The following PLCXD3 variants were observed in gnomAD, a reference collection of about 807,000 sequenced individuals.
PLCXD3 encodes the protein PI-PLC X domain-containing protein 3.
A neutral mutation model predicts 25.5 loss-of-function variants in PLCXD3; 19 were observed. The ratio of observed to expected loss-of-function variants is 0.75; its 90% confidence interval spans 0.52 to 1.09. The LOEUF (loss-of-function observed/expected upper bound fraction) is 1.09, where lower values mean the gene tolerates loss of function less well. PLCXD3 is among the 50% of genes least tolerant of loss of function. PLCXD3 has a pLI of 0.00. For synonymous variants in PLCXD3, 174 were observed against 137.6 expected, an observed-to-expected ratio of 1.26 and a Z score of -1.85; for missense variants, 411 against 388.1, an observed-to-expected ratio of 1.06 and a Z score of -0.50.
intron 1 of PLCXD3, among the ~76,000 whole-genome samples, chr5:41,393,601 C>T (rs923848760): frequency 6.6e-6 from 1 of 151,970 alleles, no homozygotes; most frequent in African/African-American, 2.4e-5. Flanking sequence ...CATTAATGAG[C>T]AATAAATCAT....
chr5:41,381,582 C>A (rs1370201965), intron 2 of PLCXD3, among the ~76,000 whole-genome samples: 1 of 152,046 alleles, frequency 6.6e-6, no homozygotes, highest in East Asian at 1.9e-4. Context: ...AGGCATGAAA[C>A]AGATTCTTTT....
intron 2 of PLCXD3, among the ~76,000 whole-genome samples, chr5:41,349,956 A>C (rs554655186): frequency 6.6e-6 from 1 of 151,166 alleles, no homozygotes. Context: ...GCTTTGCAAC[A>C]TTTTGTTGCA....
chr5:41,396,648 A>C (rs1020205203), intron 1 of PLCXD3, among the ~76,000 whole-genome samples: 2 of 152,216 alleles, frequency 1.3e-5, no homozygotes, highest in Admixed American at 6.5e-5. Flanking sequence ...AGAAGACAGG[A>C]AAATGAGAGA....
rs2150510782 is a variant in PLCXD3, at chr5:41,438,226, A to G, written c.104-55692T>C. The stretch of plus-strand genomic sequence containing the variant: ...TTAAATTGCTCACTTTTAAGTGAAA[A>G]AGTATTGTGCTTCTTATTTTAGCAC... On this transcript the variant is annotated intron_variant, in intron 1 of 2. Coordinates refer to ENST00000377801, the MANE Select transcript of PLCXD3 (RefSeq NM_001005473.3). 1.3e-5 allele frequency among the ~76,000 whole-genome samples: 2 copies of G among 152,320 alleles called. 1 individual carries two copies. The highest frequency in any genetic ancestry group is 4.1e-4 in the South Asian group (2 of 4,824).
chr5:41,505,048 A>G (rs116590280), intron 1 of PLCXD3, among the ~76,000 whole-genome samples: 2,484 of 152,212 alleles, frequency 0.016, 65 homozygotes, highest in African/African-American at 0.057. Flanking sequence ...AACAGTTTTC[A>G]TCTTCTTTAT....
chr5:41,492,941 T>G lies in PLCXD3; in HGVS notation c.103+17483A>C, dbSNP rs575491192. 2.0e-5 allele frequency among the ~76,000 whole-genome samples: 3 copies of G among 152,386 alleles called. No individual in the cohort carries two copies. In the East Asian group the frequency reaches 5.8e-4, roughly 29 times the overall value. On this transcript the variant is annotated intron_variant, in intron 1 of 2. Coordinates refer to ENST00000377801, the MANE Select transcript of PLCXD3 (RefSeq NM_001005473.3). ...TTCTTCTCTCAACTCGTCAAAGTCA[T>G]TCTCCCTCCAGCTTTGTTCCATTGC... is the stretch of plus-strand genomic sequence containing the variant.
rs372082393 is a variant in PLCXD3 at position 41,483,481 on chromosome 5, T to C, written c.103+26943A>G. Among the ~76,000 whole-genome samples, 106 of 152,292 alleles carry C rather than the reference T, an allele frequency of 7.0e-4. No homozygotes were observed. The South Asian group carries it at 0.013, about 18-fold the overall frequency. On this transcript the variant is annotated intron_variant, in intron 1 of 2. Coordinates refer to ENST00000377801, the MANE Select transcript of PLCXD3 (RefSeq NM_001005473.3). The stretch of plus-strand genomic sequence containing the variant: ...AAAGGTTGTCGCTGTAAAAATAAGA[T>C]AAAATATATGCTATATCTTCGTAAT...
intron 1 of PLCXD3, among the ~76,000 whole-genome samples, chr5:41,410,267 G>T (rs1260328092): frequency 6.6e-6 from 1 of 151,662 alleles, no homozygotes; most frequent in Non-Finnish European, 1.5e-5. Context: ...AGCCTCCTGA[G>T]TAGCTGGGAC....
intron 2 of PLCXD3, among the ~76,000 whole-genome samples, chr5:41,357,183 C>T (rs957288535): frequency 1.3e-5 from 2 of 152,204 alleles, no homozygotes; most frequent in African/African-American, 2.4e-5. Flanking sequence ...GCCTTGTCAA[C>T]AGTAACCAGC....
At chr5:41,485,580 C>T (rs975626407) in intron 1 of PLCXD3, among the ~76,000 whole-genome samples, 1 of 150,484 alleles carries the variant, frequency 6.6e-6, no homozygotes, top group African/African-American at 2.5e-5. Context: ...TCAGTCCCAG[C>T]CCCCTCTCTA....
chr5:41,395,660 A>G (rs750172117), intron 1 of PLCXD3, among the ~76,000 whole-genome samples: 17 of 152,134 alleles, frequency 1.1e-4, no homozygotes, highest in Non-Finnish European at 1.8e-4. Context: ...AAGGCTCATT[A>G]GCAGCTACTA....
At position 41,307,502 on chromosome 5, in the gene PLCXD3, T is replaced by G. The variant is rs963484199; in HGVS notation, c.*6115A>C. On this transcript the variant is annotated 3_prime_UTR_variant, in exon 3 of 3. Coordinates refer to ENST00000377801, the MANE Select transcript of PLCXD3 (RefSeq NM_001005473.3). ...TTTTAGGGCTTCTTGGGTTTTCAAT[T>G]CCAAAAAAAAATAGTACTGGTCGTT... is the stretch of plus-strand genomic sequence containing the variant. 6.6e-6 allele frequency: 1 copy of G among 151,906 alleles called. No homozygotes were observed. The highest frequency in any genetic ancestry group is 1.5e-5 in the Non-Finnish European group (1 of 67,936). The allele number at this position is 151,906 out of a possible 1,614,324, so 9.4% of individuals were successfully genotyped here.
At chr5:41,488,928 G>T (rs1748583971) in intron 1 of PLCXD3, among the ~76,000 whole-genome samples, 1 of 151,780 alleles carries the variant, frequency 6.6e-6, no homozygotes, top group Admixed American at 6.6e-5. Context: ...AAGCTCTTTA[G>T]TTGAATTAGA....
chr5:41,428,390 T>TTG (rs1561270599), intron 1 of PLCXD3, among the ~76,000 whole-genome samples: 1 of 145,502 alleles, frequency 6.9e-6, no homozygotes, highest in African/African-American at 2.6e-5. Context: ...TTGTTTTTGT[T>TTG]TTTGTTTTTT....
At chr5:41,457,584 C>T (rs543983998) in intron 1 of PLCXD3, among the ~76,000 whole-genome samples, 1 of 151,906 alleles carries the variant, frequency 6.6e-6, no homozygotes, top group Non-Finnish European at 1.5e-5. Context: ...ACTGGGAGGA[C>T]ATCTGTACTT....
At chr5:41,371,761 C>A (rs1201154423) in intron 2 of PLCXD3, among the ~76,000 whole-genome samples, 1 of 152,156 alleles carries the variant, frequency 6.6e-6, no homozygotes, top group Non-Finnish European at 1.5e-5. Flanking sequence ...TCTCTTGGAG[C>A]TTTTCAGCTG....
intron 2 of PLCXD3, among the ~76,000 whole-genome samples, chr5:41,333,823 G>C (rs1743903258): frequency 6.6e-6 from 1 of 151,982 alleles, no homozygotes; most frequent in Non-Finnish European, 1.5e-5. Flanking sequence ...AACTATTTAG[G>C]TGTAAAACAG....
intron 2 of PLCXD3, among the ~76,000 whole-genome samples, chr5:41,325,768 G>T (rs1465082783): frequency 6.6e-6 from 1 of 152,144 alleles, no homozygotes; most frequent in Non-Finnish European, 1.5e-5. Context: ...GTCTTAGTCT[G>T]TTTGGGGCTG....
intron 1 of PLCXD3, among the ~76,000 whole-genome samples, chr5:41,441,505 C>A (rs940362004): frequency 2.6e-5 from 4 of 152,202 alleles, no homozygotes; most frequent in Admixed American, 2.6e-4. Flanking sequence ...GAAAGCTTCT[C>A]TAAACAGTCT....
Sources: allele counts gnomAD v4.1 joint callset (sites outside exome capture counted in the v4.1 genomes callset), GRCh38; gene constraint gnomAD v4.1.1; transcripts MANE v1.5; gene names NCBI Gene and HGNC (gene_info 2026-07-23, HGNC 2026-07-21).